Variants in COL4A6 observed in about 807,000 individuals in gnomAD.
The protein encoded by COL4A6 is collagen type IV alpha 6 chain, also known as collagen alpha-6(IV) chain.
Under a neutral mutation model 126.7 loss-of-function variants are expected in COL4A6, and 59 were observed. The ratio of observed to expected loss-of-function variants is 0.47; its 90% CI spans 0.38 to 0.58. The LOEUF (loss-of-function observed/expected upper bound fraction) is 0.58, where lower values mean the gene tolerates loss of function less well. COL4A6 is among the 20% of genes least tolerant of loss of function. The probability of loss-of-function intolerance (pLI) is 0.00; values close to 1 mark genes in which losing one functional copy is unlikely to be tolerated. For synonymous variants in COL4A6, 547 were observed against 496.6 expected (o/e 1.10, Z -1.35); for missense variants, 1,285 against 1,337.3 (o/e 0.96, Z 0.61).
At chrX:108,283,279 G>A (rs5973860) in intron 3 of COL4A6, among the ~76,000 whole-genome samples, 29,254 of 111,184 alleles carry the variant, frequency 0.26, 3,179 homozygotes, top group East Asian at 0.62. Context: ...AGTTTGGCTA[G>A]ATGATAACTA....
intron 3 of COL4A6, among the ~76,000 whole-genome samples, chrX:108,249,773 T>C (rs939063093): frequency 1.8e-5 from 2 of 110,775 alleles, no homozygotes; most frequent in Non-Finnish European, 3.8e-5. Flanking sequence ...AGAGGTGAAA[T>C]GTCTGTCCGA....
intron 2 of COL4A6, among the ~76,000 whole-genome samples, chrX:108,334,626 C>T (rs2039387224): frequency 9.0e-6 from 1 of 111,114 alleles, no homozygotes; most frequent in African/African-American, 3.3e-5. Flanking sequence ...GCTGAGTGAC[C>T]TTGGACAACT....
intron 2 of COL4A6, among the ~76,000 whole-genome samples, chrX:108,389,414 T>C (rs1230512560): frequency 2.7e-5 from 3 of 112,021 alleles, no homozygotes; most frequent in African/African-American, 9.7e-5. Flanking sequence ...ATTGGGTGCA[T>C]ATATATTTAG....
intron 23 of COL4A6, among the ~76,000 whole-genome samples, chrX:108,182,626 C>A (rs1256915292): frequency 8.9e-6 from 1 of 112,131 alleles, no homozygotes; most frequent in Non-Finnish European, 1.9e-5. Context: ...CAACCTTGTG[C>A]TTGGCTCAGG....
At chrX:108,315,475 A>G (rs1440832025) in intron 2 of COL4A6, among the ~76,000 whole-genome samples, 2 of 111,999 alleles carry the variant, frequency 1.8e-5, no homozygotes, top group African/African-American at 6.5e-5. Context: ...CCTGGCCTGA[A>G]GTGATCCTCC....
chrX:108,293,408 C>T (rs750622077), intron 3 of COL4A6, among the ~76,000 whole-genome samples: 1 of 111,494 alleles, frequency 9.0e-6, no homozygotes, highest in Non-Finnish European at 1.9e-5. Context: ...GGTACTTGCT[C>T]TTACATTGTG....
At chrX:108,418,218 T>G (rs1190724483) in intron 2 of COL4A6, among the ~76,000 whole-genome samples, 1 of 112,158 alleles carries the variant, frequency 8.9e-6, no homozygotes, top group Non-Finnish European at 1.9e-5. Context: ...TTGGTTGATA[T>G]CTGTGGCTGA....
At chrX:108,301,039 C>A (rs2038475644) in intron 3 of COL4A6, among the ~76,000 whole-genome samples, 1 of 112,605 alleles carries the variant, frequency 8.9e-6, no homozygotes, top group Non-Finnish European at 1.9e-5. Context: ...GCACATTTTT[C>A]CATCAACTTT....
intron 2 of COL4A6, among the ~76,000 whole-genome samples, chrX:108,429,795 A>G (rs2064148159): frequency 8.9e-6 from 1 of 112,275 alleles, no homozygotes; most frequent in Admixed American, 9.5e-5. Flanking sequence ...GTCTGATTCT[A>G]GAGTGCTTTC....
chrX:108,321,040 T>C (rs544242073), intron 2 of COL4A6, among the ~76,000 whole-genome samples: 5 of 111,951 alleles, frequency 4.5e-5, no homozygotes, highest in African/African-American at 1.6e-4. Context: ...CACTATAAAA[T>C]AGGGATATTT....
chrX:108,247,206 T>C (rs1174478351), intron 3 of COL4A6, among the ~76,000 whole-genome samples: 1 of 111,191 alleles, frequency 9.0e-6, no homozygotes, highest in African/African-American at 3.3e-5. Context: ...CTTACTCTGA[T>C]CCTTCCTAGC....
chrX:108,330,218 C>T (rs2039264034), intron 2 of COL4A6, among the ~76,000 whole-genome samples: 1 of 110,997 alleles, frequency 9.0e-6, no homozygotes, highest in Non-Finnish European at 1.9e-5. Flanking sequence ...TATGGATACA[C>T]AGCAGAATGG....
chrX:108,362,125 CAGAG>C (rs1230915848), intron 2 of COL4A6, among the ~76,000 whole-genome samples: 3 of 109,449 alleles, frequency 2.7e-5, no homozygotes, highest in African/African-American at 6.7e-5. Context: ...GAGACAGAGA[CAGAG>C]AGAGCACGTG....
chrX:108,164,468 T>C (rs1569323780), intron 40 of COL4A6, 132 bp downstream of exon 40: 4 of 585,513 alleles, frequency 6.8e-6, no homozygotes, highest in Non-Finnish European at 1.1e-5. Context: ...ACTGCCTCTC[T>C]GGGGTACCTT....
intron 2 of COL4A6, among the ~76,000 whole-genome samples, chrX:108,384,911 A>G (rs772880166): frequency 9.0e-6 from 1 of 110,993 alleles, no homozygotes; most frequent in South Asian, 3.9e-4. Flanking sequence ...CTGGCTGTAA[A>G]AGTGGCAATG....
At chrX:108,327,719 A>G (rs2039192233) in intron 2 of COL4A6, among the ~76,000 whole-genome samples, 1 of 110,164 alleles carries the variant, frequency 9.1e-6, no homozygotes, top group Non-Finnish European at 1.9e-5. Flanking sequence ...CATGTTCATT[A>G]TCTTCATTGT....
At position 108,365,350 on chromosome X, in the gene COL4A6, A is replaced by G. The variant is rs188729577; in HGVS notation, c.64-54522T>C. 3.6e-3 allele frequency among the ~76,000 whole-genome samples: 403 copies of G among 112,129 alleles called. 2 individuals carry two copies. Among genetic ancestry groups the G allele is most frequent in the African/African-American group, 0.012 (382 of 30,925 alleles). ...ATGTTTATAAAATATTGAAGGATAG[A>G]TGAAAGGAAGGAAGCAATGAAATAA... On this transcript the variant is annotated intron_variant, in intron 2 of 44. Transcript: ENST00000334504.
chrX:108,223,611 A>C (rs2036082751), intron 3 of COL4A6, among the ~76,000 whole-genome samples: 1 of 111,538 alleles, frequency 9.0e-6, no homozygotes, highest in Admixed American at 9.5e-5. Flanking sequence ...CCTGGAAAGC[A>C]CCGCAGAAAA....
chrX:108,197,921 T>C (rs1306951341), intron 13 of COL4A6, among the ~76,000 whole-genome samples: 1 of 110,711 alleles, frequency 9.0e-6, no homozygotes, highest in African/African-American at 3.3e-5. Context: ...AAATTTCTAA[T>C]GTGAAAGGCT....
Sources: allele counts gnomAD v4.1 joint callset (sites outside exome capture counted in the v4.1 genomes callset), GRCh38; gene constraint gnomAD v4.1.1; transcripts MANE v1.5; gene names NCBI Gene and HGNC (gene_info 2026-07-23, HGNC 2026-07-21).